Variants in FBXL17 observed in about 807,000 individuals in gnomAD.
FBXL17 encodes F-box and leucine rich repeat protein 17, also known as F-box/LRR-repeat protein 17.
A neutral mutation model predicts 66.2 loss-of-function variants in FBXL17; 22 were observed. The observed-to-expected ratio is 0.33, with a 90% CI of 0.24 to 0.47. FBXL17 has a LOEUF of 0.47. Ranked by LOEUF, FBXL17 falls within the 20% of genes least tolerant of loss-of-function variation. The probability of loss-of-function intolerance (pLI) is 1.00; values close to 1 mark genes in which losing one functional copy is unlikely to be tolerated. For missense variants in FBXL17, 878 were observed against 948.2 expected, an observed-to-expected ratio of 0.93 and a Z score of 0.97; for synonymous variants, 474 against 400.5, an observed-to-expected ratio of 1.18 and a Z score of -2.19.
intron 3 of FBXL17, among the ~76,000 whole-genome samples, chr5:108,350,243 C>A (rs1350940750): frequency 6.6e-6 from 1 of 152,084 alleles, no homozygotes; most frequent in South Asian, 2.1e-4. Context: ...TAGTTAAATC[C>A]TCAGATCACC....
At chr5:108,149,595 G>A (rs1751690520) in intron 6 of FBXL17, among the ~76,000 whole-genome samples, 1 of 152,170 alleles carries the variant, frequency 6.6e-6, no homozygotes, top group Non-Finnish European at 1.5e-5. Flanking sequence ...AGTCTGTACA[G>A]TGGCTTCAGT....
intron 6 of FBXL17, among the ~76,000 whole-genome samples, chr5:108,048,030 G>C (rs1023249772): frequency 3.9e-5 from 6 of 152,184 alleles, no homozygotes; most frequent in African/African-American, 9.6e-5. Context: ...CCCTAGAAAA[G>C]AGCGATCCTA....
Position 108,367,943 on chromosome 5 carries a change from T to C in FBXL17, c.1004A>G (p.Asn335Ser), listed in dbSNP as rs1401543276. The change falls in exon 2 of 9, where the codon AAT (asparagine) becomes AGT (serine). Residue 335 changes from asparagine to serine, a missense_variant. Asn to Ser is a conservative substitution (Grantham distance 46). Around this residue, in one of 4 missense-constraint regions of FBXL17, gnomAD observed 605 missense variants for 509.5 expected, o/e 1.19. Coordinates refer to ENST00000542267, the MANE Select transcript of FBXL17 (RefSeq NM_001163315.3). ...AAGGCAACGCTCATCCAGTGACAAA[T>C]TGGAAAATATCTGTGAATAAAAAAC... ...PPSILLKIFSNLSLDERCLSA... is the reference protein window; with the variant it reads ...PPSILLKIFSSLSLDERCLSA... 7 of 1,550,262 alleles carry C rather than the reference T, an allele frequency of 4.5e-6. No individual in the cohort carries two copies. Among genetic ancestry groups the C allele is most frequent in the Non-Finnish European group, 6.1e-6 (7 of 1,146,214 alleles).
intron 7 of FBXL17, among the ~76,000 whole-genome samples, chr5:107,950,552 C>A (rs1339812207): frequency 6.6e-6 from 1 of 152,078 alleles, no homozygotes; most frequent in Non-Finnish European, 1.5e-5. Context: ...ACAGAATGTA[C>A]AAATATGCCA....
In FBXL17 at chr5:108,381,244, C is replaced by T. The variant is rs1749884327; in HGVS notation, c.448G>A (p.Ala150Thr). 1.4e-6 allele frequency: 2 copies of T among 1,442,760 alleles called. No homozygotes were observed. Among genetic ancestry groups the T allele is most frequent in the Non-Finnish European group, 1.8e-6 (2 of 1,100,244 alleles). 89.4% of individuals were successfully genotyped at this position (1,442,760 alleles called of 1,614,324 possible). ...CTTCGGCCCTGCTGCTCCCAGGCGG[C>T]GGCCGCAGCCAGCCCCAACTCTTTG... ...CCKELGLAAAAAWEQQGRSLF... is the reference protein window; with the variant it reads ...CCKELGLAAATAWEQQGRSLF... The change falls in exon 1 of 9, where the codon GCC (alanine) becomes ACC (threonine). Residue 150 changes from alanine to threonine, a missense_variant. Physicochemically the swap from Ala to Thr is moderately conservative, Grantham distance 58. Transcript: ENST00000542267.
intron 7 of FBXL17, among the ~76,000 whole-genome samples, chr5:107,991,011 A>G (rs914878253): frequency 6.8e-6 from 1 of 147,714 alleles, no homozygotes; most frequent in African/African-American, 2.4e-5. Flanking sequence ...TTTATTTGAA[A>G]AGGGCTAGTT....
intron 7 of FBXL17, among the ~76,000 whole-genome samples, chr5:107,972,671 AT>A (rs1265350986): frequency 6.6e-6 from 1 of 152,142 alleles, no homozygotes; most frequent in Non-Finnish European, 1.5e-5. Context: ...TAAGTATACT[AT>A]AAGACAGTTA....
chr5:108,191,235 A>G (rs17450705), intron 5 of FBXL17, among the ~76,000 whole-genome samples: 25,017 of 152,146 alleles, frequency 0.16, 2,163 homozygotes, highest in African/African-American at 0.19. Flanking sequence ...CTACATAAAT[A>G]TCTCCTACAC....
chr5:108,200,309 A>AGGTTCTGAGGGGAAGGAGGCCT (rs1753839216), intron 5 of FBXL17, among the ~76,000 whole-genome samples: 1 of 152,056 alleles, frequency 6.6e-6, no homozygotes, highest in Non-Finnish European at 1.5e-5. Context: ...GAGAGAAGAA[A>AGGTTCTGAGGGGAAGGAGGCCT]GGTTCTGAGG....
intron 3 of FBXL17, among the ~76,000 whole-genome samples, chr5:108,360,102 A>T (rs908229053): frequency 6.6e-6 from 1 of 152,112 alleles, no homozygotes; most frequent in Non-Finnish European, 1.5e-5. Context: ...TTGGATAATA[A>T]AACAGCTATT....
chr5:108,035,721 T>A (rs1461340057), intron 6 of FBXL17, among the ~76,000 whole-genome samples: 1 of 152,112 alleles, frequency 6.6e-6, no homozygotes, highest in Non-Finnish European at 1.5e-5. Flanking sequence ...ACAAATGCAG[T>A]ACCACCATAT....
At chr5:107,864,023 C>T (rs1446849408) in intron 8 of FBXL17, among the ~76,000 whole-genome samples, 1 of 152,340 alleles carries the variant, frequency 6.6e-6, no homozygotes, top group African/African-American at 2.4e-5. Context: ...TATCTTTGGG[C>T]TGTTCAAAAT....
At chr5:108,374,045 A>G (rs990922688) in intron 1 of FBXL17, among the ~76,000 whole-genome samples, 32 of 152,234 alleles carry the variant, frequency 2.1e-4, no homozygotes, top group Non-Finnish European at 1.5e-5. Flanking sequence ...GGAACAATAC[A>G]TATAGCAAAA....
At chr5:107,965,928 A>T (rs1752121106) in intron 7 of FBXL17, among the ~76,000 whole-genome samples, 2 of 152,176 alleles carry the variant, frequency 1.3e-5, no homozygotes, top group African/African-American at 4.8e-5. Flanking sequence ...TTAGGGAAAA[A>T]AAATCAAGAG....
At chr5:108,051,997 C>G (rs1250037591) in intron 6 of FBXL17, among the ~76,000 whole-genome samples, 1 of 151,206 alleles carries the variant, frequency 6.6e-6, no homozygotes, top group African/African-American at 2.4e-5. Context: ...CCTGTAGTCC[C>G]AGCTACTCAG....
At chr5:108,286,854 C>A (rs1002242642) in intron 4 of FBXL17, among the ~76,000 whole-genome samples, 1 of 151,920 alleles carries the variant, frequency 6.6e-6, no homozygotes, top group African/African-American at 2.4e-5. Flanking sequence ...AAGAACACGT[C>A]TGGAGGCACC....
chr5:108,217,308 A>T (rs1469067352), intron 5 of FBXL17, among the ~76,000 whole-genome samples: 2 of 152,138 alleles, frequency 1.3e-5, no homozygotes, highest in Non-Finnish European at 2.9e-5. Flanking sequence ...GTAGGACAAG[A>T]ACTCCCAGCA....
At chr5:107,967,817 C>T (rs905333570) in intron 7 of FBXL17, among the ~76,000 whole-genome samples, 3 of 151,982 alleles carry the variant, frequency 2.0e-5, no homozygotes, top group African/African-American at 4.8e-5. Context: ...TAATTGGATG[C>T]AGCTTTTTAT....
rs909653769 is a variant in FBXL17, at chr5:108,328,710, T to G, written c.1506+19689A>C. On this transcript the variant is annotated intron_variant, in intron 4 of 8. Coordinates refer to ENST00000542267, the MANE Select transcript of FBXL17 (RefSeq NM_001163315.3). ...AGAATTTTATAATATGCACTTTTTT[T>G]TATGAGAACAAGGATTATTTGGGCC... Among the ~76,000 whole-genome samples, 8 of 152,178 alleles carry G rather than the reference T, an allele frequency of 5.3e-5. 1 individual carries two copies. The highest frequency in any genetic ancestry group is 3.9e-4 in the East Asian group (2 of 5,182).
Sources: allele counts gnomAD v4.1 joint callset (sites outside exome capture counted in the v4.1 genomes callset), GRCh38; gene constraint gnomAD v4.1.1; regional missense constraint gnomAD v4.1.1; transcripts MANE v1.5; gene names NCBI Gene and HGNC (gene_info 2026-07-23, HGNC 2026-07-21).